Variants in RRAS2 observed in about 807,000 individuals in gnomAD.
RRAS2 encodes RAS related 2, also known as ras-related protein R-Ras2.
In RRAS2, 7 loss-of-function variants were observed where a neutral mutation model predicts 27.6. The observed-to-expected ratio is 0.25, with a 90% CI of 0.14 to 0.48. The LOEUF is 0.48. Ranked by LOEUF, RRAS2 falls within the 20% of genes least tolerant of loss-of-function variation. RRAS2 has a pLI of 0.99. For missense variants in RRAS2, 178 were observed against 256.2 expected (o/e 0.69, Z 2.08); for synonymous variants, 86 against 90.9 (o/e 0.95, Z 0.31).
At chr11:14,297,992 TAA>T (rs141304907) in intron 1 of RRAS2, among the ~76,000 whole-genome samples, 5 of 143,394 alleles carry the variant, frequency 3.5e-5, no homozygotes, top group Admixed American at 6.9e-5. Context: ...TAACTAGCCT[TAA>T]AAAAAAAAAA....
chr11:14,319,879 T>C (rs1405988125), intron 1 of RRAS2, among the ~76,000 whole-genome samples: 1 of 152,176 alleles, frequency 6.6e-6, no homozygotes, highest in Non-Finnish European at 1.5e-5. Flanking sequence ...AAAATAAGAT[T>C]ATAATTCCAG....
intron 1 of RRAS2, chr11:14,364,296 GATT>G (rs1849226209): frequency 8.2e-7 from 1 of 1,218,844 alleles, no homozygotes; most frequent in African/African-American, 1.5e-5. Flanking sequence ...CTAGAATCAA[GATT>G]CCTCTAACCT....
intron 1 of RRAS2, chr11:14,341,705 A>C (rs1308175435): frequency 3.0e-6 from 1 of 329,368 alleles, no homozygotes; most frequent in African/African-American, 2.1e-5. Flanking sequence ...ACAGCTAAAA[A>C]TTTCCATTTG....
At chr11:14,334,692 C>A (rs1336453567) in intron 1 of RRAS2, among the ~76,000 whole-genome samples, 1 of 150,730 alleles carries the variant, frequency 6.6e-6, no homozygotes, top group African/African-American at 2.5e-5. Context: ...ACCCTTCTAG[C>A]GAGTGTTAAA....
At chr11:14,348,071 GAT>G (rs1554954265) in intron 1 of RRAS2, among the ~76,000 whole-genome samples, 1 of 152,058 alleles carries the variant, frequency 6.6e-6, no homozygotes, top group African/African-American at 2.4e-5. Flanking sequence ...AAATTAAGAA[GAT>G]ATATTTTTTA....
At chr11:14,284,724 T>TTTATCA (rs1272021568) in intron 4 of RRAS2, among the ~76,000 whole-genome samples, 34 of 152,204 alleles carry the variant, frequency 2.2e-4, no homozygotes, top group Non-Finnish European at 4.3e-4. Flanking sequence ...AATTAATCTC[T>TTTATCA]TTATCATTAT....
At chr11:14,353,866 A>C (rs1849017321) in intron 1 of RRAS2, among the ~76,000 whole-genome samples, 1 of 152,246 alleles carries the variant, frequency 6.6e-6, no homozygotes, top group South Asian at 2.1e-4. Flanking sequence ...TTCCCCAAAC[A>C]AGAAAACCTT....
intron 1 of RRAS2, among the ~76,000 whole-genome samples, chr11:14,319,047 G>T (rs901116872): frequency 6.6e-6 from 1 of 152,154 alleles, no homozygotes; most frequent in African/African-American, 2.4e-5. Flanking sequence ...GCCCAGTCAC[G>T]AGGCTAGTAA....
intron 1 of RRAS2, among the ~76,000 whole-genome samples, chr11:14,326,681 T>C (rs977252787): frequency 6.6e-6 from 1 of 152,160 alleles, no homozygotes; most frequent in Non-Finnish European, 1.5e-5. Flanking sequence ...GACAGGGCAC[T>C]GAGCAATCAA....
intron 1 of RRAS2, among the ~76,000 whole-genome samples, chr11:14,309,906 G>C (rs1204884781): frequency 1.3e-5 from 2 of 152,196 alleles, no homozygotes; most frequent in Non-Finnish European, 2.9e-5. Context: ...ACTTTCATAT[G>C]AAAAGTAATA....
intron 1 of RRAS2, among the ~76,000 whole-genome samples, chr11:14,344,405 C>G (rs1451545618): frequency 6.6e-6 from 1 of 152,222 alleles, no homozygotes; most frequent in African/African-American, 2.4e-5. Context: ...TACCTGCACA[C>G]AAGCCTACTT....
At chr11:14,340,099 CAGCCTGGGAGACAGGGCAACAG>C (rs1848671230) in intron 1 of RRAS2, among the ~76,000 whole-genome samples, 1 of 138,522 alleles carries the variant, frequency 7.2e-6, no homozygotes, top group African/African-American at 2.6e-5. Context: ...CACTACACTC[CAGCCTGGGAGACAGGGCAACAG>C]AGTCTGTCCC....
In RRAS2 at chr11:14,291,531, T is replaced by C. The variant is rs571246474; in HGVS notation, c.408+2940A>G. Among the ~76,000 whole-genome samples the C allele has an allele frequency of 1.6e-4, 24 of 152,330 alleles. No homozygotes were observed. In the Middle Eastern group the frequency reaches 0.01, roughly 65 times the overall value. ...TCTAAGCTTTTCAAGATATACATAA[T>C]TTATGTCTATTTATATGGTTTAGAT... is the stretch of plus-strand genomic sequence containing the variant. On this transcript the variant is annotated intron_variant, in intron 4 of 5. Coordinates refer to ENST00000256196, the MANE Select transcript of RRAS2 (RefSeq NM_012250.6).
In RRAS2 at chr11:14,358,114, G is replaced by GTC. The variant is rs1347649482; in HGVS notation, c.108+647_108+648dup. On this transcript the variant is annotated intron_variant, in intron 1 of 5. Coordinates refer to ENST00000256196, the MANE Select transcript of RRAS2 (RefSeq NM_012250.6). This position sits in a 1 kb window ranked among gnomAD's most constrained non-coding sequence, Gnocchi z 5.1. ...CGGCATCAGGAATTCCTAGGAAATGGTCTCACCCCATCAGAGAACATTTTT... is the reference window on the plus strand; with the variant it reads ...CGGCATCAGGAATTCCTAGGAAATGGTCTCTCACCCCATCAGAGAACATTTTT... 4.5e-5 allele frequency: 28 copies of GTC among 619,712 alleles called. No individual in the cohort carries two copies. Among genetic ancestry groups the GTC allele is most frequent in the Admixed American group, 1.9e-4 (3 of 15,790 alleles). 38.4% of individuals were successfully genotyped at this position (619,712 alleles called of 1,614,324 possible).
At chr11:14,304,003 T>C (rs921045061) in intron 1 of RRAS2, among the ~76,000 whole-genome samples, 1 of 152,184 alleles carries the variant, frequency 6.6e-6, no homozygotes, top group Non-Finnish European at 1.5e-5. Flanking sequence ...TGTCACCTTC[T>C]AGGTGGCCGA....
chr11:14,364,235 C>G (rs984268339), intron 1 of RRAS2, among the ~76,000 whole-genome samples: 1 of 152,140 alleles, frequency 6.6e-6, no homozygotes, highest in Non-Finnish European at 1.5e-5. Flanking sequence ...CAAACAGCAT[C>G]CCTGGCCCAT....
chr11:14,300,110 G>T (rs1489344516), intron 1 of RRAS2, among the ~76,000 whole-genome samples: 1 of 152,146 alleles, frequency 6.6e-6, no homozygotes, highest in Non-Finnish European at 1.5e-5. Context: ...AGGGAAGAAG[G>T]GTGGACCCAA....
At chr11:14,349,390 C>T (rs1848905569) in intron 1 of RRAS2, among the ~76,000 whole-genome samples, 1 of 149,544 alleles carries the variant, frequency 6.7e-6, no homozygotes, top group Non-Finnish European at 1.5e-5. Context: ...TCTCGATCTG[C>T]TGACCTCGTG....
intron 1 of RRAS2, among the ~76,000 whole-genome samples, chr11:14,352,003 A>G (rs1394859549): frequency 6.6e-6 from 1 of 152,170 alleles, no homozygotes; most frequent in Non-Finnish European, 1.5e-5. Context: ...CATTCAAATG[A>G]TTTTAAAAAC....
Sources: gnomAD v4.1 joint callset for allele counts (sites outside exome capture counted in the v4.1 genomes callset) on GRCh38, gnomAD v4.1.1 for gene constraint, Gnocchi (gnomAD v3.1) non-coding constraint, MANE v1.5 for transcripts, NCBI Gene and HGNC (gene_info 2026-07-23, HGNC 2026-07-21) for gene names.